The following SLC2A10 variants were observed in gnomAD, a reference collection of about 807,000 sequenced individuals.
SLC2A10 encodes the protein solute carrier family 2 member 10.
A neutral mutation model predicts 32.1 loss-of-function variants in SLC2A10; 25 were observed. That is an observed-to-expected ratio of 0.78 (90% CI 0.57 to 1.09). The LOEUF (loss-of-function observed/expected upper bound fraction) is 1.09. Ranked by LOEUF, SLC2A10 falls within the 50% of genes least tolerant of loss-of-function variation. The pLI is 0.00. For missense variants in SLC2A10, 673 were observed against 686.5 expected, an observed-to-expected ratio of 0.98 and a Z score of 0.22; for synonymous variants, 332 against 309.6, an observed-to-expected ratio of 1.07 and a Z score of -0.76.
At position 46,709,700 on chromosome 20, in the gene SLC2A10, C is replaced by T. The variant is rs1434265405; in HGVS notation, c.-37C>T. 3 of 1,539,458 alleles carry T rather than the reference C, an allele frequency of 1.9e-6. No homozygotes were observed. Among genetic ancestry groups the T allele is most frequent in the Non-Finnish European group, 2.6e-6 (3 of 1,143,416 alleles). On this transcript the variant is annotated 5_prime_UTR_variant, in exon 1 of 5. Coordinates refer to ENST00000359271, the MANE Select transcript of SLC2A10 (RefSeq NM_030777.4). The stretch of plus-strand genomic sequence containing the variant: ...CCGGCGGGGGATGCGCGCCCGGCCC[C>T]TCAGCGCCCCCAGCACGCCGCCGAG...
intron 4 of SLC2A10, among the ~76,000 whole-genome samples, chr20:46,732,972 C>T (rs768431312): frequency 2.0e-5 from 3 of 151,868 alleles, no homozygotes; most frequent in Non-Finnish European, 4.4e-5. Flanking sequence ...GTGGCCAAGG[C>T]GTGATGAGCA....
chr20:46,712,443 C>G (rs542597959), intron 1 of SLC2A10, among the ~76,000 whole-genome samples: 3 of 152,010 alleles, frequency 2.0e-5, no homozygotes, highest in African/African-American at 7.2e-5. Context: ...GACCCTGTCC[C>G]GGGGAAGCTG....
At chr20:46,723,300 C>T (rs1345960727) in intron 1 of SLC2A10, among the ~76,000 whole-genome samples, 1 of 152,132 alleles carries the variant, frequency 6.6e-6, no homozygotes, top group African/African-American at 2.4e-5. Context: ...AAAGATCTAG[C>T]CAGCTGTTTC....
At chr20:46,721,397 T>C (rs972202738) in intron 1 of SLC2A10, among the ~76,000 whole-genome samples, 1 of 150,016 alleles carries the variant, frequency 6.7e-6, no homozygotes, top group African/African-American at 2.5e-5. Flanking sequence ...ACTATATATG[T>C]GTAAAAATGA....
At chr20:46,718,219 A>G (rs1979361909) in intron 1 of SLC2A10, among the ~76,000 whole-genome samples, 1 of 151,934 alleles carries the variant, frequency 6.6e-6, no homozygotes, top group Admixed American at 6.5e-5. Context: ...ACCTCATCTT[A>G]GAAAAAAAAA....
chr20:46,713,037 A>T (rs1026623854), intron 1 of SLC2A10, among the ~76,000 whole-genome samples: 2 of 151,952 alleles, frequency 1.3e-5, no homozygotes, highest in African/African-American at 4.8e-5. Context: ...TCAGATGTTC[A>T]TGAGCCAAGA....
chr20:46,728,302 T>C (rs537035205), intron 3 of SLC2A10, among the ~76,000 whole-genome samples: 2 of 152,296 alleles, frequency 1.3e-5, no homozygotes, highest in Non-Finnish European at 2.9e-5. Context: ...AAAGGAGGTA[T>C]GGACGTGGCT....
rs1979830399 is a variant in SLC2A10 at position 46,725,344 on chromosome 20, T to C, written c.308T>C (p.Leu103Pro). The C allele has an allele frequency of 5.0e-6, 8 of 1,614,150 alleles. No homozygotes were observed. In the East Asian group the frequency reaches 1.8e-4, roughly 36 times the overall value. The change falls in exon 2 of 5, where the codon CTG (leucine) becomes CCG (proline). Residue 103 changes from leucine to proline, a missense_variant. Transcript: ENST00000359271. The stretch of plus-strand genomic sequence containing the variant: ...GCTGGTTCCCTGGCCTGGCTGGTCC[T>C]GGGCCGCGCTGTGGTTGGCTTCGCC... ...GLAGSLAWLVLGRAVVGFAIS... is the reference protein window; with the variant it reads ...GLAGSLAWLVPGRAVVGFAIS...
intron 2 of SLC2A10, 53 bp from the exon 3 acceptor site, chr20:46,726,811 C>T (rs1979988960): frequency 6.2e-7 from 1 of 1,612,802 alleles, no homozygotes; most frequent in Non-Finnish European, 8.5e-7. Flanking sequence ...CCTGATGGTG[C>T]CAGGCCCCAG....
At chr20:46,727,507 G>A (rs1980044363) in intron 3 of SLC2A10, among the ~76,000 whole-genome samples, 1 of 152,032 alleles carries the variant, frequency 6.6e-6, no homozygotes, top group Non-Finnish European at 1.5e-5. Flanking sequence ...TTTTTGTAAA[G>A]ACAGGGTTTC....
intron 1 of SLC2A10, among the ~76,000 whole-genome samples, chr20:46,724,656 T>G (rs1197291495): frequency 6.6e-6 from 1 of 151,086 alleles, no homozygotes. Flanking sequence ...GATGGATGGA[T>G]GGATGGATGG....
In SLC2A10 at chr20:46,736,118, G is replaced by T. The variant is rs186443949; in HGVS notation, c.*2284G>T. 1 of 151,962 alleles carries T rather than the reference G, an allele frequency of 6.6e-6. No homozygotes were observed. The allele number at this position is 151,962 out of a possible 1,614,324, so 9.4% of individuals were successfully genotyped here. A position where few individuals can be genotyped will look rare whatever the true frequency, so the allele number is the denominator to read the frequency against. The stretch of plus-strand genomic sequence containing the variant: ...ACAAAATATTCTGTAAGAATCAATT[G>T]TCTATATGGAATTTAGGATAAAGAA... On this transcript the variant is annotated 3_prime_UTR_variant, in exon 5 of 5. Coordinates refer to ENST00000359271, the MANE Select transcript of SLC2A10 (RefSeq NM_030777.4).
At position 46,718,230 on chromosome 20, in the gene SLC2A10, A is replaced by AG. The variant is rs151183449; in HGVS notation, c.5-6810dup. Among the ~76,000 whole-genome samples, 688 of 152,184 alleles carry AG rather than the reference A, an allele frequency of 4.5e-3. 18 individuals carry two copies. The East Asian group carries it at 0.075, about 16-fold the overall frequency. On this transcript the variant is annotated intron_variant, in intron 1 of 4. Coordinates refer to ENST00000359271, the MANE Select transcript of SLC2A10 (RefSeq NM_030777.4). ...CGAGACCTCATCTTAGAAAAAAAAA[A>AG]GAAAGAAAATGCTTTGAGCTTTCTT...
At chr20:46,719,019 T>A (rs1979406756) in intron 1 of SLC2A10, among the ~76,000 whole-genome samples, 3 of 152,230 alleles carry the variant, frequency 2.0e-5, no homozygotes, top group Admixed American at 2.0e-4. Context: ...TGGCCTCAAG[T>A]GATCCTCCTG....
chr20:46,721,838 T>A (rs919385089), intron 1 of SLC2A10, among the ~76,000 whole-genome samples: 4 of 152,234 alleles, frequency 2.6e-5, no homozygotes, highest in Non-Finnish European at 1.5e-5. Context: ...CACTTGCTCA[T>A]CCCTATGTGT....
At chr20:46,711,805 A>G (rs374646640) in intron 1 of SLC2A10, among the ~76,000 whole-genome samples, 1 of 152,178 alleles carries the variant, frequency 6.6e-6, no homozygotes. Flanking sequence ...TTGACCTGGG[A>G]GAGTCTGCCA....
upstream of SLC2A10, among the ~76,000 whole-genome samples, chr20:46,709,277 T>C (rs1568977153): frequency 6.6e-6 from 1 of 151,650 alleles, no homozygotes; most frequent in Non-Finnish European, 1.5e-5. Flanking sequence ...GTTGTGTGTG[T>C]TGTGTGTGTG....
At chr20:46,731,848 A>G (rs1980316963) in intron 4 of SLC2A10, among the ~76,000 whole-genome samples, 1 of 152,170 alleles carries the variant, frequency 6.6e-6, no homozygotes, top group Non-Finnish European at 1.5e-5. Context: ...TAGTCTTTTC[A>G]GCAGCAACTA....
chr20:46,725,888 C>A lies in SLC2A10; in HGVS notation c.852C>A (p.Thr284=), dbSNP rs1346841592. 1 of 1,614,202 alleles carries A rather than the reference C, an allele frequency of 6.2e-7. No individual in the cohort carries two copies. The highest frequency in any genetic ancestry group is 8.5e-7 in the Non-Finnish European group (1 of 1,180,042). ...TTGGCGCAGTGAAGGTGGCAGCTAC[C>A]CTGACCGCCATGGGGCTGGTGGACC... ...VGLGAVKVAA[T]LTAMGLVDRA... is the part of the protein sequence containing the mutation. The change falls in exon 2 of 5, where the codon ACC becomes ACA. Residue 284 remains threonine (T), a synonymous_variant. Coordinates refer to ENST00000359271, the MANE Select transcript of SLC2A10 (RefSeq NM_030777.4).
Sources: allele counts gnomAD v4.1 joint callset (sites outside exome capture counted in the v4.1 genomes callset), GRCh38; gene constraint gnomAD v4.1.1; transcripts MANE v1.5; gene names NCBI Gene and HGNC (gene_info 2026-07-23, HGNC 2026-07-21).